MINAR2: variants seen among roughly 807,000 people sequenced by gnomAD.
The protein encoded by MINAR2 is membrane integral NOTCH2 associated receptor 2.
Under a neutral mutation model 16.1 loss-of-function variants are expected in MINAR2, and 21 were observed. The observed-to-expected ratio is 1.31, with a 90% CI of 0.93 to 1.88. The LOEUF (loss-of-function observed/expected upper bound fraction) is 1.88. Ranked by LOEUF, MINAR2 falls within the 40% of genes most tolerant of loss-of-function variation. The probability of loss-of-function intolerance (pLI) is 0.00; values close to 1 mark genes in which losing one functional copy is unlikely to be tolerated. For synonymous variants in MINAR2, 86 were observed against 83.0 expected, an observed-to-expected ratio of 1.04 and a Z score of -0.20; for missense variants, 259 against 229.8, an observed-to-expected ratio of 1.13 and a Z score of -0.82.
Position 129,748,235 on chromosome 5 carries a change from C to A in MINAR2, c.45C>A (p.Phe15Leu). ...CAAATAACAACCATCCTGACAAATT[C>A]CTGCAGCTTGACGTAAAGTCTTTAA... Reference protein sequence around the residue: ...VLPNNNHPDKFLQLDVKSLTR... With the variant: ...VLPNNNHPDKLLQLDVKSLTR... Residue 15 changes from phenylalanine to leucine, a missense_variant, in exon 1 of 3, where the codon TTC (phenylalanine) becomes TTA (leucine). Coordinates refer to ENST00000564719, the MANE Select transcript of MINAR2 (RefSeq NM_001257308.2). 2 of 1,535,228 alleles carry A rather than the reference C, an allele frequency of 1.3e-6. No individual in the cohort carries two copies. Among genetic ancestry groups the A allele is most frequent in the Non-Finnish European group, 1.7e-6 (2 of 1,146,560 alleles).
intron 1 of MINAR2, among the ~76,000 whole-genome samples, chr5:129,753,663 C>G (rs7730652): frequency 0.93 from 140,369 of 151,634 alleles, 65,014 homozygotes; most frequent in East Asian, 1. Context: ...TGAGGCAGGA[C>G]AATCGCTTGA....
intron 2 of MINAR2, 90 bp downstream of exon 2, chr5:129,760,695 T>TGTCA: frequency 1.0e-6 from 1 of 953,344 alleles, no homozygotes; most frequent in Non-Finnish European, 1.5e-6. Flanking sequence ...TGACAGGTAC[T>TGTCA]CTTCACTAGG....
At chr5:129,753,101 T>C (rs1455193954) in intron 1 of MINAR2, among the ~76,000 whole-genome samples, 1 of 152,090 alleles carries the variant, frequency 6.6e-6, no homozygotes, top group East Asian at 1.9e-4. Flanking sequence ...TTTTTTTTTG[T>C]GTATAATTGT....
At chr5:129,760,235 C>A in intron 1 of MINAR2, 143 bp from the exon 2 acceptor site, 1 of 651,034 alleles carries the variant, frequency 1.5e-6, no homozygotes, top group South Asian at 2.0e-5. Context: ...CAAACGAAAC[C>A]CTAGAATCCT....
intron 1 of MINAR2, among the ~76,000 whole-genome samples, chr5:129,752,222 G>C (rs1392151805): frequency 2.6e-5 from 4 of 152,156 alleles, no homozygotes; most frequent in Non-Finnish European, 4.4e-5. Context: ...CCATTACTGG[G>C]TATATACCCA....
intron 1 of MINAR2, among the ~76,000 whole-genome samples, chr5:129,753,480 CAAAA>C (rs758914420): frequency 9.9e-6 from 1 of 100,808 alleles, no homozygotes; most frequent in Admixed American, 1.2e-4. Flanking sequence ...AAGACTGTCT[CAAAA>C]AAAAAAAAAA....
chr5:129,748,532 A>T (rs996060965), intron 1 of MINAR2, among the ~76,000 whole-genome samples, 177 bp downstream of exon 1: 1 of 152,150 alleles, frequency 6.6e-6, no homozygotes, highest in African/African-American at 2.4e-5. Context: ...TAATTTATTC[A>T]TAAAATACAT....
chr5:129,756,400 T>C (rs1758054639), intron 1 of MINAR2, among the ~76,000 whole-genome samples: 1 of 152,012 alleles, frequency 6.6e-6, no homozygotes, highest in Non-Finnish European at 1.5e-5. Context: ...TAGTGGTGAT[T>C]TATGAGATTT....
intron 1 of MINAR2, among the ~76,000 whole-genome samples, chr5:129,757,063 C>T (rs987197393): frequency 7.1e-6 from 1 of 140,964 alleles, no homozygotes; most frequent in Non-Finnish European, 1.5e-5. Flanking sequence ...TATGTATCAC[C>T]TAATATATAT....
At chr5:129,764,301 A>G (rs1758178987) in intron 2 of MINAR2, among the ~76,000 whole-genome samples, 1 of 152,130 alleles carries the variant, frequency 6.6e-6, no homozygotes, top group South Asian at 2.1e-4. Flanking sequence ...CATGCCAGAC[A>G]TGTGGCAGCC....
intron 1 of MINAR2, among the ~76,000 whole-genome samples, chr5:129,750,481 C>T (rs1757973001): frequency 6.6e-6 from 1 of 152,126 alleles, no homozygotes; most frequent in Non-Finnish European, 1.5e-5. Context: ...CTCAAATTCA[C>T]AATAAACCAG....
chr5:129,749,889 G>C (rs1284675826), intron 1 of MINAR2, among the ~76,000 whole-genome samples: 1 of 152,120 alleles, frequency 6.6e-6, no homozygotes, highest in Non-Finnish European at 1.5e-5. Flanking sequence ...AGGCCCCATT[G>C]GGTGGAAATA....
rs1439042709 is a variant in MINAR2 at position 129,756,223 on chromosome 5, T to G, written c.166-4155T>G. ...TTAACATGCTATCAATTTTATAAAA[T>G]TTTCAGTATATATTTTTAAAATAAG... On this transcript the variant is annotated intron_variant, in intron 1 of 2. Coordinates refer to ENST00000564719, the MANE Select transcript of MINAR2 (RefSeq NM_001257308.2). Among the ~76,000 whole-genome samples, 3 of 152,096 alleles carry G rather than the reference T, an allele frequency of 2.0e-5. No homozygotes were observed. In the East Asian group the frequency reaches 5.8e-4, roughly 29 times the overall value.
intron 2 of MINAR2, among the ~76,000 whole-genome samples, chr5:129,764,045 C>A (rs1383058159): frequency 6.6e-6 from 1 of 152,062 alleles, no homozygotes; most frequent in Non-Finnish European, 1.5e-5. Flanking sequence ...GGCATAGACA[C>A]CAAATCTACA....
Position 129,766,297 on chromosome 5 carries a change from T to C in MINAR2, c.*1234T>C, listed in dbSNP as rs1482918594. On this transcript the variant is annotated 3_prime_UTR_variant, in exon 3 of 3. Transcript: ENST00000564719. Reference sequence around the variant, plus strand: ...GATTTTGTCCCTTGATATTGCCATATCATTTTGTTGTATTTGTCTTAAAGA... The same window carrying C: ...GATTTTGTCCCTTGATATTGCCATACCATTTTGTTGTATTTGTCTTAAAGA... 1 of 152,248 alleles carries C rather than the reference T, an allele frequency of 6.6e-6. No individual in the cohort carries two copies. Among genetic ancestry groups the C allele is most frequent in the Non-Finnish European group, 1.5e-5 (1 of 68,048 alleles). The allele number at this position is 152,248 out of a possible 1,614,324, so 9.4% of individuals were successfully genotyped here.
Position 129,764,675 on chromosome 5 carries a change from C to T in MINAR2, c.394-209C>T, listed in dbSNP as rs541102741. ...CTACAAATTGGAATTGCAGGGATTC[C>T]TTGTCAGCCAGGAGACTGTAGCTGC... On this transcript the variant is annotated intron_variant, in intron 2 of 2. Coordinates refer to ENST00000564719, the MANE Select transcript of MINAR2 (RefSeq NM_001257308.2). Among the ~76,000 whole-genome samples the T allele has an allele frequency of 2.6e-5, 4 of 152,184 alleles. No homozygotes were observed. The East Asian group carries it at 5.8e-4, about 22-fold the overall frequency.
chr5:129,748,381 G>A (rs1366988107), intron 1 of MINAR2, 26 bp downstream of exon 1: 14 of 1,527,200 alleles, frequency 9.2e-6, no homozygotes, highest in Admixed American at 2.0e-5. Context: ...ACAAAAATAC[G>A]GGGATGGAGG....
chr5:129,748,844 C>A (rs1303135656), intron 1 of MINAR2, among the ~76,000 whole-genome samples: 1 of 152,070 alleles, frequency 6.6e-6, no homozygotes, highest in Non-Finnish European at 1.5e-5. Flanking sequence ...GAAAACAGAA[C>A]AATGGAAACC....
At chr5:129,755,082 T>A (rs1758038463) in intron 1 of MINAR2, among the ~76,000 whole-genome samples, 1 of 152,134 alleles carries the variant, frequency 6.6e-6, no homozygotes, top group Admixed American at 6.5e-5. Context: ...TTTGAAAGTC[T>A]TTTTCTGACC....
Sources: gnomAD v4.1 joint callset for allele counts (sites outside exome capture counted in the v4.1 genomes callset) on GRCh38, gnomAD v4.1.1 for gene constraint, MANE v1.5 for transcripts, NCBI Gene and HGNC (gene_info 2026-07-23, HGNC 2026-07-21) for gene names.